COTL1: variants seen among roughly 807,000 people sequenced by gnomAD.
COTL1 encodes coactosin like F-actin binding protein 1, also known as coactosin-like protein.
Under a neutral mutation model 16.5 loss-of-function variants are expected in COTL1, and 15 were observed. The observed-to-expected ratio is 0.91, with a 90% CI of 0.61 to 1.40. The LOEUF (loss-of-function observed/expected upper bound fraction) is 1.40. Ranked by LOEUF, COTL1 falls within the 40% of genes most tolerant of loss-of-function variation. The probability of loss-of-function intolerance (pLI) is 0.00; values close to 1 mark genes in which losing one functional copy is unlikely to be tolerated. For synonymous variants in COTL1, 112 were observed against 85.3 expected, an observed-to-expected ratio of 1.31 and a Z score of -1.73; for missense variants, 220 against 201.5, an observed-to-expected ratio of 1.09 and a Z score of -0.56.
chr16:84,584,671 G>T (rs1035062567), intron 3 of COTL1, among the ~76,000 whole-genome samples: 11 of 152,240 alleles, frequency 7.2e-5, no homozygotes, highest in Admixed American at 3.3e-4. Flanking sequence ...AATCTACAGT[G>T]TAGAAACATT....
At chr16:84,577,630 G>T (rs1345326796) in intron 3 of COTL1, among the ~76,000 whole-genome samples, 1 of 152,186 alleles carries the variant, frequency 6.6e-6, no homozygotes, top group African/African-American at 2.4e-5. Flanking sequence ...GGGTTTGACA[G>T]ATTCAGGAAC....
chr16:84,616,084 C>A (rs1905474063), intron 2 of COTL1: 2 of 152,188 alleles, frequency 1.3e-5, no homozygotes, highest in Admixed American at 6.5e-5. Context: ...GCATTTTATA[C>A]ATACTGACTC....
Position 84,566,699 on chromosome 16 carries a change from G to C in COTL1, c.*146C>G, listed in dbSNP as rs1157824520. The C allele has an allele frequency of 3.3e-6, 2 of 606,720 alleles. No individual in the cohort carries two copies. The allele number at this position is 606,720 out of a possible 1,614,324, so 37.6% of individuals were successfully genotyped here. A position where few individuals can be genotyped will look rare whatever the true frequency, so the allele number is the denominator to read the frequency against. On this transcript the variant is annotated 3_prime_UTR_variant, in exon 4 of 4. Transcript: ENST00000262428. ...TTCTAAGGGAAGCGGGAAGGTGGGG[G>C]CTGTGGACACAGGGTGGCGGGCGCT...
At chr16:84,570,862 T>C (rs763570019) in intron 3 of COTL1, among the ~76,000 whole-genome samples, 5 of 151,972 alleles carry the variant, frequency 3.3e-5, no homozygotes, top group Non-Finnish European at 5.9e-5. Flanking sequence ...AACTGGCTCA[T>C]ACCTAAAAGT....
intron 2 of COTL1, among the ~76,000 whole-genome samples, chr16:84,615,127 G>A (rs962590741): frequency 1.3e-5 from 2 of 152,244 alleles, no homozygotes; most frequent in African/African-American, 4.8e-5. Flanking sequence ...CACGACGACA[G>A]GAAGGAACAA....
At chr16:84,610,666 G>A (rs571755767) in intron 2 of COTL1, among the ~76,000 whole-genome samples, 1 of 152,180 alleles carries the variant, frequency 6.6e-6, no homozygotes, top group East Asian at 1.9e-4. Flanking sequence ...GAACTACATT[G>A]GTTGACCAGG....
intron 3 of COTL1, among the ~76,000 whole-genome samples, chr16:84,572,328 A>C (rs2150680085): frequency 6.6e-6 from 1 of 152,302 alleles, no homozygotes; most frequent in East Asian, 1.9e-4. Context: ...ACACACCTCA[A>C]GACACAGCAC....
intron 3 of COTL1, among the ~76,000 whole-genome samples, chr16:84,588,252 T>C (rs554758239): frequency 8.0e-5 from 12 of 150,238 alleles, no homozygotes; most frequent in Non-Finnish European, 1.6e-4. Context: ...TAATTTATTT[T>C]AGAAGAGCTT....
At chr16:84,603,022 G>T (rs1024037542) in intron 2 of COTL1, among the ~76,000 whole-genome samples, 1 of 152,170 alleles carries the variant, frequency 6.6e-6, no homozygotes, top group Non-Finnish European at 1.5e-5. Context: ...TCAGCGGCAT[G>T]AGAGCCTGGA....
At position 84,617,900 on chromosome 16, in the gene COTL1, G is replaced by C. The variant is rs754101818; in HGVS notation, c.15C>G (p.Ile5Met). The C allele has an allele frequency of 6.4e-7, 1 of 1,561,318 alleles. No homozygotes were observed. The highest frequency in any genetic ancestry group is 8.7e-7 in the Non-Finnish European group (1 of 1,153,948). ...ACGCCGCCCGGCAAGCCTCTTTGTC[G>C]ATCTTGGTGGCCATCGCCGCGGAGC... is the stretch of plus-strand genomic sequence containing the variant. MATK[I>M]DKEACRAAYN... Residue 5 changes from isoleucine to methionine, a missense_variant, in exon 1 of 4, where the codon ATC becomes ATG. Ile to Met is a conservative substitution (Grantham distance 10). Coordinates refer to ENST00000262428, the MANE Select transcript of COTL1 (RefSeq NM_021149.5).
chr16:84,598,741 G>A (rs1403182457), intron 2 of COTL1, among the ~76,000 whole-genome samples: 3 of 149,822 alleles, frequency 2.0e-5, no homozygotes, highest in Non-Finnish European at 4.5e-5. Flanking sequence ...AGACAGTGGG[G>A]GTGGGAAGGA....
At chr16:84,616,872 T>A (rs2150699700) in intron 2 of COTL1, among the ~76,000 whole-genome samples, 1 of 152,270 alleles carries the variant, frequency 6.6e-6, no homozygotes, top group Middle Eastern at 3.4e-3. Flanking sequence ...CATTTTCAGC[T>A]CCCAGCAGTC....
At chr16:84,572,520 G>A (rs1210287170) in intron 3 of COTL1, among the ~76,000 whole-genome samples, 1 of 152,120 alleles carries the variant, frequency 6.6e-6, no homozygotes, top group African/African-American at 2.4e-5. Context: ...GCGTGCAGTG[G>A]TGCGATCTCG....
intron 2 of COTL1, among the ~76,000 whole-genome samples, chr16:84,598,947 CA>C (rs1440456257): frequency 6.6e-6 from 1 of 150,380 alleles, no homozygotes; most frequent in African/African-American, 2.5e-5. Flanking sequence ...AGGATGACCA[CA>C]AAGGGGCTAG....
chr16:84,589,148 T>C (rs71386856), intron 3 of COTL1, among the ~76,000 whole-genome samples: 9 of 151,928 alleles, frequency 5.9e-5, no homozygotes, highest in Non-Finnish European at 1.2e-4. Flanking sequence ...TTTTATTTTG[T>C]TATGTTTTGT....
intron 2 of COTL1, 45 bp downstream of exon 2, chr16:84,617,456 A>C (rs1597190169): frequency 6.5e-7 from 1 of 1,528,758 alleles, no homozygotes; most frequent in Admixed American, 2.0e-5. Flanking sequence ...GGTGCAGACA[A>C]CCTCCCAACG....
rs1215797035 is a variant in COTL1, at chr16:84,573,162, T to C, written c.319-6207A>G. 3.3e-5 allele frequency among the ~76,000 whole-genome samples: 5 copies of C among 152,318 alleles called. 1 individual carries two copies. The highest frequency in any genetic ancestry group is 6.8e-3 in the Middle Eastern group (2 of 294). ...TCCAATATATGCAAAATATTGTCAT[T>C]TCCACAATGTAATCAATGCTAAAAG... On this transcript the variant is annotated intron_variant, in intron 3 of 3. Transcript: ENST00000262428.
intron 3 of COTL1, chr16:84,576,155 C>T (rs1357436435): frequency 2.0e-5 from 3 of 152,114 alleles, no homozygotes; most frequent in Non-Finnish European, 4.4e-5. Flanking sequence ...ATGACAAATC[C>T]GGCTGCAAAC....
At chr16:84,599,935 G>C (rs1905077396) in intron 2 of COTL1, among the ~76,000 whole-genome samples, 2 of 152,202 alleles carry the variant, frequency 1.3e-5, no homozygotes, top group South Asian at 4.1e-4. Flanking sequence ...AGGCTGCTAA[G>C]GGGAGAGAGG....
Sources: allele counts gnomAD v4.1 joint callset (sites outside exome capture counted in the v4.1 genomes callset), GRCh38; gene constraint gnomAD v4.1.1; transcripts MANE v1.5; gene names NCBI Gene and HGNC (gene_info 2026-07-23, HGNC 2026-07-21).